GPC5: variants seen among roughly 807,000 people sequenced by gnomAD.
GPC5 encodes the protein glypican-5.
GPC5 carries 47 observed loss-of-function variants against 53.9 expected under a neutral mutation model. The observed-to-expected ratio is 0.87, with a 90% confidence interval of 0.69 to 1.11. The LOEUF (loss-of-function observed/expected upper bound fraction) is 1.11. Ranked by LOEUF, GPC5 falls within the 50% of genes most tolerant of loss-of-function variation. The pLI is 0.00. For missense variants in GPC5, 748 were observed against 713.1 expected (o/e 1.05, Z -0.56); for synonymous variants, 286 against 263.3 (o/e 1.09, Z -0.84).
At chr13:91,934,963 A>G (rs960436074) in intron 6 of GPC5, among the ~76,000 whole-genome samples, 14 of 152,136 alleles carry the variant, frequency 9.2e-5, no homozygotes, top group Admixed American at 7.9e-4. Flanking sequence ...TTTATCCAAA[A>G]TAAAAATTTA....
intron 7 of GPC5, among the ~76,000 whole-genome samples, chr13:92,381,970 C>G (rs61973567): frequency 0.52 from 62,959 of 121,790 alleles, 15,647 homozygotes; most frequent in East Asian, 0.61. Context: ...ATGTATCTAT[C>G]TATCTATCTA....
chr13:92,207,529 C>T (rs1428167800), intron 7 of GPC5, among the ~76,000 whole-genome samples: 1 of 152,154 alleles, frequency 6.6e-6, no homozygotes, highest in Non-Finnish European at 1.5e-5. Context: ...GACCAGTATT[C>T]TCCCCACCTC....
intron 7 of GPC5, among the ~76,000 whole-genome samples, chr13:92,287,329 T>G (rs1297613286): frequency 6.6e-6 from 1 of 152,144 alleles, no homozygotes; most frequent in Non-Finnish European, 1.5e-5. Context: ...TAATGTTCAT[T>G]TTGTGGTTGT....
At position 91,477,797 on chromosome 13, in the gene GPC5, C is replaced by T. The variant is rs1032175560; in HGVS notation, c.325+28875C>T. 9.9e-5 allele frequency among the ~76,000 whole-genome samples: 15 copies of T among 152,226 alleles called. No homozygotes were observed. In the East Asian group the frequency reaches 1.4e-3, roughly 14 times the overall value. ...TGAGAAGGAGAGGCCCAATGCTATG[C>T]GGCATAGTCTTTCTATTTAGCATTT... is the stretch of plus-strand genomic sequence containing the variant. On this transcript the variant is annotated intron_variant, in intron 2 of 7. Coordinates refer to ENST00000377067, the MANE Select transcript of GPC5 (RefSeq NM_004466.6).
At chr13:92,196,214 T>C (rs1355665786) in intron 7 of GPC5, among the ~76,000 whole-genome samples, 1 of 152,218 alleles carries the variant, frequency 6.6e-6, no homozygotes, top group Non-Finnish European at 1.5e-5. Context: ...AGTATCTATA[T>C]AAAATAGTTT....
intron 6 of GPC5, among the ~76,000 whole-genome samples, chr13:91,993,109 T>C (rs1304487725): frequency 1.3e-5 from 2 of 152,208 alleles, no homozygotes; most frequent in Non-Finnish European, 2.9e-5. Context: ...GACAGACACA[T>C]ATTGTTCATG....
At chr13:91,427,990 G>A (rs977009665) in intron 1 of GPC5, among the ~76,000 whole-genome samples, 11 of 152,114 alleles carry the variant, frequency 7.2e-5, no homozygotes, top group African/African-American at 2.2e-4. Context: ...ATGATTGTAA[G>A]TTTCCTGAGG....
chr13:92,326,455 C>T (rs2043251830), intron 7 of GPC5, among the ~76,000 whole-genome samples: 1 of 151,912 alleles, frequency 6.6e-6, no homozygotes, highest in South Asian at 2.1e-4. Context: ...TATTTGTTTG[C>T]TGTTGGTAGT....
At chr13:91,432,203 C>CTGCTGCTGTGTG (rs1555306318) in intron 1 of GPC5, among the ~76,000 whole-genome samples, 29 of 136,446 alleles carry the variant, frequency 2.1e-4, no homozygotes, top group African/African-American at 7.5e-4. Context: ...GCTGCTGCTG[C>CTGCTGCTGTGTG]TGTGTGTGTG....
chr13:92,655,829 A>C (rs1348798395), intron 7 of GPC5, among the ~76,000 whole-genome samples: 1 of 152,178 alleles, frequency 6.6e-6, no homozygotes, highest in Non-Finnish European at 1.5e-5. Flanking sequence ...TTAAACTCTA[A>C]AATGAAAGAA....
chr13:92,845,389 G>A (rs2138838178), intron 7 of GPC5, among the ~76,000 whole-genome samples: 1 of 152,216 alleles, frequency 6.6e-6, no homozygotes, highest in Non-Finnish European at 1.5e-5. Flanking sequence ...GGAGGCCTGA[G>A]AACTAGGAGA....
intron 6 of GPC5, chr13:91,995,399 A>G (rs2040495005): frequency 6.6e-6 from 1 of 152,214 alleles, no homozygotes; most frequent in South Asian, 2.1e-4. Flanking sequence ...CTTCTAGACC[A>G]AACTAGAAAA....
chr13:91,433,703 T>G (rs1879678096), intron 1 of GPC5, among the ~76,000 whole-genome samples: 1 of 152,182 alleles, frequency 6.6e-6, no homozygotes, highest in Non-Finnish European at 1.5e-5. Context: ...TATAATCCTT[T>G]GGGTATATAC....
chr13:92,804,358 C>T (rs769110307), intron 7 of GPC5, among the ~76,000 whole-genome samples: 4 of 151,910 alleles, frequency 2.6e-5, no homozygotes, highest in Non-Finnish European at 4.4e-5. Flanking sequence ...TCAAATATTG[C>T]AGGTTTGGTT....
intron 6 of GPC5, among the ~76,000 whole-genome samples, chr13:91,922,107 T>G (rs16946890): frequency 0.035 from 5,339 of 152,094 alleles, 330 homozygotes; most frequent in African/African-American, 0.12. Flanking sequence ...CAGAAAAACT[T>G]CCAACTAAAG....
chr13:91,681,679 G>C (rs1461516032), intron 2 of GPC5, among the ~76,000 whole-genome samples: 1 of 152,166 alleles, frequency 6.6e-6, no homozygotes, highest in Non-Finnish European at 1.5e-5. Context: ...TGTATTTGGT[G>C]ATAAAGATCT....
chr13:92,326,287 A>G (rs1253471535), intron 7 of GPC5, among the ~76,000 whole-genome samples: 1 of 152,110 alleles, frequency 6.6e-6, no homozygotes, highest in Admixed American at 6.6e-5. Flanking sequence ...GTACAATAAA[A>G]GAAAGTATGG....
At chr13:92,625,664 T>A (rs1156292374) in intron 7 of GPC5, among the ~76,000 whole-genome samples, 2 of 152,204 alleles carry the variant, frequency 1.3e-5, no homozygotes, top group Non-Finnish European at 2.9e-5. Context: ...TGAACATAAT[T>A]CAGCTGCTCC....
chr13:92,625,700 T>A (rs1432628837), intron 7 of GPC5, among the ~76,000 whole-genome samples: 1 of 152,224 alleles, frequency 6.6e-6, no homozygotes, highest in Non-Finnish European at 1.5e-5. Context: ...AAACTCTACT[T>A]CCTTCAGCAG....
Sources: allele counts gnomAD v4.1 joint callset (sites outside exome capture counted in the v4.1 genomes callset), GRCh38; gene constraint gnomAD v4.1.1; transcripts MANE v1.5; gene names NCBI Gene and HGNC (gene_info 2026-07-23, HGNC 2026-07-21).